NOL9: variants seen among roughly 807,000 people sequenced by gnomAD.
The protein encoded by NOL9 is polynucleotide 5'-hydroxyl-kinase NOL9.
NOL9 carries 28 observed loss-of-function variants against 67.9 expected under a neutral mutation model. The ratio of observed to expected loss-of-function variants is 0.41; its 90% CI spans 0.31 to 0.57. NOL9 has a LOEUF of 0.57. NOL9 is among the 20% of genes least tolerant of loss of function. NOL9 has a pLI of 0.25. For synonymous variants in NOL9, 356 were observed against 352.2 expected (o/e 1.01, Z -0.12); for missense variants, 777 against 897.0 (o/e 0.87, Z 1.71).
chr1:6,548,094 G>T, intron 3 of NOL9: 1 of 226,918 alleles, frequency 4.4e-6, no homozygotes. Context: ...CATTGGCGTG[G>T]CCCAGGCAGG....
chr1:6,536,185 A>T (rs1402041163), intron 6 of NOL9, among the ~76,000 whole-genome samples: 2 of 7,356 alleles, frequency 2.7e-4, no homozygotes, highest in Non-Finnish European at 1.7e-3. Context: ...TCTCTACTAA[A>T]AATGCAAAAA....
chr1:6,545,063 ACT>A lies in NOL9; in HGVS notation c.860_861del (p.Glu287ValfsTer7), dbSNP rs770321219. 1.2e-6 allele frequency: 2 copies of A among 1,614,074 alleles called. No homozygotes were observed. Among genetic ancestry groups the A allele is most frequent in the Non-Finnish European group, 8.5e-7 (1 of 1,180,002 alleles). Reference protein sequence around the residue: ...LTESTLSALEELVNVSCEEVD... With the variant: ...LTESTLSALEXLVNVSCEEVD... ...TACTCACCACAGGAAACATTGACTA[ACT>A]CTTCCAGGGCTGAAAGGGTACTCTC... On this transcript the variant is annotated frameshift_variant, in exon 4 of 12. Transcript: ENST00000377705. LOFTEE classifies it high-confidence loss of function.
At chr1:6,536,653 C>G (rs1459115194) in intron 6 of NOL9, among the ~76,000 whole-genome samples, 1 of 151,926 alleles carries the variant, frequency 6.6e-6, no homozygotes, top group East Asian at 1.9e-4. Context: ...CATAGGGAGA[C>G]CCTGTTTCTA....
Position 6,535,673 on chromosome 1 carries a change from T to C in NOL9, c.1076-2232A>G, listed in dbSNP as rs540308668. Among the ~76,000 whole-genome samples the C allele has an allele frequency of 2.0e-5, 3 of 152,336 alleles. No individual in the cohort carries two copies. In the South Asian group the frequency reaches 6.2e-4, roughly 32 times the overall value. ...TGGGCATGGTGGCTTACACCTATAA[T>C]TCTAGCACTTTGGGAGGCCAAGGCA... On this transcript the variant is annotated intron_variant, in intron 6 of 11. Transcript: ENST00000377705.
At chr1:6,529,360 G>A (rs1403532713) in intron 9 of NOL9, among the ~76,000 whole-genome samples, 189 bp from the exon 10 acceptor site, 1 of 152,156 alleles carries the variant, frequency 6.6e-6, no homozygotes, top group African/African-American at 2.4e-5. Context: ...GGAGGCCGAC[G>A]CGGGTGGATC....
rs1450887458 is a variant in NOL9, at chr1:6,554,504, C to T, written c.-2G>A. The T allele has an allele frequency of 1.3e-6, 2 of 1,532,980 alleles. No homozygotes were observed. The highest frequency in any genetic ancestry group is 1.7e-6 in the Non-Finnish European group (2 of 1,154,220). The allele number at this position is 1,532,980 out of a possible 1,614,324, so 95.0% of individuals were successfully genotyped here. A position where few individuals can be genotyped will look rare whatever the true frequency, so the allele number is the denominator to read the frequency against. ...TAGCAGCAGTCCCGAGTCCGCCATGCTGGGTCCTCAGGGCCTACCGCGCGA... is the reference window on the plus strand; with the variant it reads ...TAGCAGCAGTCCCGAGTCCGCCATGTTGGGTCCTCAGGGCCTACCGCGCGA... On this transcript the variant is annotated 5_prime_UTR_variant, in exon 1 of 12. Transcript: ENST00000377705.
rs868560457 is a variant in NOL9, at chr1:6,554,167, G to A, written c.336C>T (p.Leu112=). The A allele has an allele frequency of 1.4e-5, 22 of 1,529,138 alleles. No individual in the cohort carries two copies. In the Middle Eastern group the frequency reaches 6.5e-4, roughly 45 times the overall value. 94.7% of individuals were successfully genotyped at this position (1,529,138 alleles called of 1,614,324 possible). The change falls in exon 1 of 12, where the codon CTC becomes CTT. Residue 112 remains leucine, a synonymous_variant. Coordinates refer to ENST00000377705, the MANE Select transcript of NOL9 (RefSeq NM_024654.5). ...GGCCCACGGGCCGCACCGGTGGGAT[G>A]AGGAGAGGCCGGTGGCAACTCGAGG... ...ESASSCHRPL[L]IPPVRPVGPG...
chr1:6,554,149 G>A lies in NOL9; in HGVS notation c.354C>T (p.Pro118=). ...HRPLLIPPVR[P]VGPGRALLLL... Reference sequence around the variant, plus strand: ...GCAGCAACGCGCGGCCGGGGCCCACGGGCCGCACCGGTGGGATGAGGAGAG... The same window carrying A: ...GCAGCAACGCGCGGCCGGGGCCCACAGGCCGCACCGGTGGGATGAGGAGAG... The change falls in exon 1 of 12, where the codon CCC becomes CCT. Residue 118 remains proline (P), a synonymous_variant. Coordinates refer to ENST00000377705, the MANE Select transcript of NOL9 (RefSeq NM_024654.5). The A allele has an allele frequency of 1.3e-6, 2 of 1,530,310 alleles. No individual in the cohort carries two copies. The highest frequency in any genetic ancestry group is 1.8e-6 in the Non-Finnish European group (2 of 1,138,184). The allele number at this position is 1,530,310 out of a possible 1,614,324, so 94.8% of individuals were successfully genotyped here.
rs151091971 is a variant in NOL9, at chr1:6,532,013, C to T, written c.1602G>A (p.Pro534=). Residue 534 remains proline, a synonymous_variant, in exon 9 of 12, where the codon CCG becomes CCA. Coordinates refer to ENST00000377705, the MANE Select transcript of NOL9 (RefSeq NM_024654.5). ...GTAAAGGAGAAAGTGGTTTGGGCAT[C>T]GGGGGCTGCAGCTGGCTAAGGTAAC... ...ILSYLSQLQP[P]MPKPLSPLHS... is the part of the protein sequence containing the mutation. 98 of 1,614,116 alleles carry T rather than the reference C, an allele frequency of 6.1e-5. No homozygotes were observed. Among genetic ancestry groups the T allele is most frequent in the Admixed American group, 1.0e-4 (6 of 60,010 alleles).
chr1:6,545,418 G>C (rs530433373), intron 3 of NOL9, among the ~76,000 whole-genome samples: 1 of 152,286 alleles, frequency 6.6e-6, no homozygotes, highest in East Asian at 1.9e-4. Flanking sequence ...GGAGACTCCA[G>C]AGAAAAAGAA....
At chr1:6,529,757 C>A (rs1276838069) in intron 9 of NOL9, among the ~76,000 whole-genome samples, 2 of 151,538 alleles carry the variant, frequency 1.3e-5, no homozygotes, top group East Asian at 3.9e-4. Context: ...GAAACCCTGT[C>A]TCTACTAAAA....
chr1:6,540,088 C>A, intron 6 of NOL9, among the ~76,000 whole-genome samples: 1 of 149,948 alleles, frequency 6.7e-6, no homozygotes. Context: ...CGGGTTCAAG[C>A]GATTCTCCTG....
chr1:6,538,812 A>G (rs1044678310), intron 6 of NOL9, among the ~76,000 whole-genome samples: 4 of 152,048 alleles, frequency 2.6e-5, no homozygotes, highest in Non-Finnish European at 2.9e-5. Context: ...GTGAAACCCT[A>G]TCTCTACTAA....
chr1:6,552,464 T>TTTAC (rs1639564419), intron 1 of NOL9, among the ~76,000 whole-genome samples: 1 of 152,166 alleles, frequency 6.6e-6, no homozygotes, highest in African/African-American at 2.4e-5. Context: ...TTAATTTTTA[T>TTTAC]TTATTTATTT....
At chr1:6,526,105 C>A in intron 11 of NOL9, 102 bp from the exon 12 acceptor site, 2 of 1,043,822 alleles carry the variant, frequency 1.9e-6, no homozygotes, top group South Asian at 1.3e-5. Context: ...TGGTGATGGT[C>A]TGGGTGGGGA....
chr1:6,533,872 T>C (rs1444652987), intron 6 of NOL9, among the ~76,000 whole-genome samples: 2 of 151,880 alleles, frequency 1.3e-5, no homozygotes, highest in Non-Finnish European at 2.9e-5. Context: ...CCTTCACATA[T>C]AGCCTCTAAT....
In NOL9 at chr1:6,545,186, A is replaced by G; in HGVS notation, c.745-6T>C. Reference sequence around the variant, plus strand: ...TTAATCTGGGGAGTTGGACTCTGAAATCAACAATTTAAACTTTAAGGTGAA... The same window carrying G: ...TTAATCTGGGGAGTTGGACTCTGAAGTCAACAATTTAAACTTTAAGGTGAA... On this transcript the variant is annotated splice_polypyrimidine_tract_variant and splice_region_variant and intron_variant, in intron 3 of 11. Transcript: ENST00000377705. 1 of 1,605,294 alleles carries G rather than the reference A, an allele frequency of 6.2e-7. No homozygotes were observed. Among genetic ancestry groups the G allele is most frequent in the Non-Finnish European group, 8.5e-7 (1 of 1,177,580 alleles).
rs375748382 is a variant in NOL9 at position 6,549,718 on chromosome 1, C to A, written c.617-20G>T. The A allele has an allele frequency of 3.7e-5, 59 of 1,609,466 alleles. No homozygotes were observed. Among genetic ancestry groups the A allele is most frequent in the Non-Finnish European group, 4.7e-5 (56 of 1,179,106 alleles). On this transcript the variant is annotated intron_variant, in intron 2 of 11. Transcript: ENST00000377705. ...TGTCATCTGTAAAGAGAAAAATAAACCACCTTAGAAGCAGTAACTTCATTA... is the reference window on the plus strand; with the variant it reads ...TGTCATCTGTAAAGAGAAAAATAAAACACCTTAGAAGCAGTAACTTCATTA...
intron 1 of NOL9, among the ~76,000 whole-genome samples, 193 bp downstream of exon 1, chr1:6,553,914 G>C (rs941852987): frequency 6.6e-6 from 1 of 152,166 alleles, no homozygotes; most frequent in Non-Finnish European, 1.5e-5. Context: ...GGACCCCTTA[G>C]CAGGGTACCT....
Sources: allele counts gnomAD v4.1 joint callset (sites outside exome capture counted in the v4.1 genomes callset), GRCh38; gene constraint gnomAD v4.1.1; transcripts MANE v1.5; gene names NCBI Gene and HGNC (gene_info 2026-07-23, HGNC 2026-07-21).